PDE1C: variants seen among roughly 807,000 people sequenced by gnomAD.
PDE1C encodes the protein phosphodiesterase 1C.
PDE1C carries 62 observed loss-of-function variants against 93.1 expected under a neutral mutation model. The ratio of observed to expected loss-of-function variants is 0.67; its 90% CI spans 0.54 to 0.82. The LOEUF (loss-of-function observed/expected upper bound fraction) is 0.82. PDE1C is among the 40% of genes least tolerant of loss of function. The pLI is 0.00. For missense variants in PDE1C, 742 were observed against 884.6 expected (o/e 0.84, Z 2.04); for synonymous variants, 325 against 310.1 (o/e 1.05, Z -0.50).
In PDE1C at chr7:32,363,570, C is replaced by G. The variant is rs142514105; in HGVS notation, c.310+64252G>C. On this transcript the variant is annotated intron_variant, in intron 1 of 1. Coordinates refer to the PDE1C transcript ENST00000672256. The stretch of plus-strand genomic sequence containing the variant: ...GAAATAACTTCGATTGCTTTCCACA[C>G]TTACAGGAAGATTTCCAAGCAGTGT... Among the ~76,000 whole-genome samples, 3 of 152,364 alleles carry G rather than the reference C, an allele frequency of 2.0e-5. No homozygotes were observed. In the East Asian group the frequency reaches 5.8e-4, roughly 29 times the overall value.
intron 1 of PDE1C, among the ~76,000 whole-genome samples, chr7:32,269,437 TA>T (rs1374221372): frequency 2.8e-5 from 4 of 144,010 alleles, no homozygotes; most frequent in Non-Finnish European, 6.1e-5. Flanking sequence ...GTGTAGGATA[TA>T]TTTTTTTGAT....
chr7:31,754,224 A>T (rs1348881549), intron 17 of PDE1C, among the ~76,000 whole-genome samples: 3 of 152,186 alleles, frequency 2.0e-5, no homozygotes, highest in African/African-American at 7.2e-5. Flanking sequence ...AATCTAAAAA[A>T]CTTGACAACA....
chr7:31,978,701 T>G (rs181928492), intron 2 of PDE1C, among the ~76,000 whole-genome samples: 2 of 152,166 alleles, frequency 1.3e-5, no homozygotes, highest in Non-Finnish European at 2.9e-5. Context: ...ATTAACCTGA[T>G]GCCAGGGATG....
At chr7:32,135,425 A>AG (rs1427190791) in intron 3 of PDE1C, among the ~76,000 whole-genome samples, 3 of 152,192 alleles carry the variant, frequency 2.0e-5, no homozygotes, top group African/African-American at 7.2e-5. Flanking sequence ...TCAATAGCAA[A>AG]AAAATGAAAC....
At chr7:32,324,617 A>T (rs974078412) in intron 1 of PDE1C, among the ~76,000 whole-genome samples, 3 of 152,216 alleles carry the variant, frequency 2.0e-5, no homozygotes, top group Non-Finnish European at 4.4e-5. Context: ...AAAGAACAAA[A>T]CATGTTTCTT....
At chr7:31,763,269 A>AG (rs1166439932) in intron 17 of PDE1C, among the ~76,000 whole-genome samples, 1 of 152,186 alleles carries the variant, frequency 6.6e-6, no homozygotes, top group East Asian at 1.9e-4. Context: ...TTGTAGAAAC[A>AG]CAATTTAGCA....
At chr7:32,147,984 T>A (rs1226683982) in intron 3 of PDE1C, among the ~76,000 whole-genome samples, 38 of 79,708 alleles carry the variant, frequency 4.8e-4, no homozygotes, top group East Asian at 1.4e-3. Context: ...CCATTTATGC[T>A]AAAAAAAAAA....
At chr7:31,905,549 A>G (rs573023850) in intron 2 of PDE1C, among the ~76,000 whole-genome samples, 239 of 152,328 alleles carry the variant, frequency 1.6e-3, no homozygotes, top group Middle Eastern at 6.8e-3. Flanking sequence ...TATACAATTT[A>G]ATGTGCACAA....
intron 1 of PDE1C, among the ~76,000 whole-genome samples, chr7:32,237,866 G>T (rs182039885): frequency 0.044 from 6,578 of 147,912 alleles, 295 homozygotes; most frequent in South Asian, 0.18. Flanking sequence ...CGCCTCCTGG[G>T]TTCAAGCAAT....
chr7:31,768,379 T>C (rs1256459286), intron 17 of PDE1C, among the ~76,000 whole-genome samples: 1 of 152,212 alleles, frequency 6.6e-6, no homozygotes, highest in Non-Finnish European at 1.5e-5. Context: ...ATAATATCTG[T>C]GTCAGTGTAT....
At chr7:32,208,552 C>T (rs377285915) in intron 2 of PDE1C, among the ~76,000 whole-genome samples, 57 of 151,902 alleles carry the variant, frequency 3.8e-4, no homozygotes, top group South Asian at 1.5e-3. Flanking sequence ...TTTCCAGGTG[C>T]GAAGACAGAG....
intron 6 of PDE1C, among the ~76,000 whole-genome samples, chr7:31,869,830 C>T (rs1041723143): frequency 1.3e-5 from 2 of 152,008 alleles, no homozygotes; most frequent in Non-Finnish European, 2.9e-5. Flanking sequence ...CTCACCAACA[C>T]AAAGAACATT....
chr7:31,737,908 T>C, the PDE1C span, among the ~76,000 whole-genome samples: 1 of 152,054 alleles, frequency 6.6e-6, no homozygotes, highest in East Asian at 1.9e-4. Context: ...TTAAGCCCTG[T>C]TTGCCTCAAA....
At chr7:32,184,076 T>C (rs903957254) in intron 2 of PDE1C, among the ~76,000 whole-genome samples, 1 of 152,102 alleles carries the variant, frequency 6.6e-6, no homozygotes, top group African/African-American at 2.4e-5. Flanking sequence ...ATCAGAGAAA[T>C]GCAAGTCAAA....
rs570310678 is a variant in PDE1C at position 31,754,282 on chromosome 7, G to A, written c.1961-729C>T. On this transcript the variant is annotated intron_variant, in intron 17 of 17. Coordinates refer to ENST00000396191, the MANE Select transcript of PDE1C (RefSeq NM_001191057.4). ...AGTAATGGGAACTCCCATTCTTGCTGATTGGAATGCAAAATGGTACAGCCA... is the reference window on the plus strand; with the variant it reads ...AGTAATGGGAACTCCCATTCTTGCTAATTGGAATGCAAAATGGTACAGCCA... Among the ~76,000 whole-genome samples the A allele has an allele frequency of 3.0e-4, 45 of 152,320 alleles. No homozygotes were observed. The South Asian group carries it at 8.7e-3, about 29-fold the overall frequency.
chr7:31,884,035 C>T (rs1043499079), intron 2 of PDE1C, among the ~76,000 whole-genome samples: 12 of 152,090 alleles, frequency 7.9e-5, no homozygotes, highest in African/African-American at 2.4e-4. Context: ...CTTTTGGATG[C>T]GTGGGAGGCA....
At chr7:32,421,477 C>T (rs1785431494) in intron 1 of PDE1C, among the ~76,000 whole-genome samples, 1 of 152,224 alleles carries the variant, frequency 6.6e-6, no homozygotes, top group Non-Finnish European at 1.5e-5. Flanking sequence ...TGCCAAGTAC[C>T]TTGCATAAAT....
chr7:32,291,771 C>T (rs527576627), intron 1 of PDE1C, among the ~76,000 whole-genome samples: 1 of 152,340 alleles, frequency 6.6e-6, no homozygotes, highest in Non-Finnish European at 1.5e-5. Context: ...CAGCATCTCA[C>T]CTACTCTGAG....
intron 3 of PDE1C, among the ~76,000 whole-genome samples, chr7:32,100,304 T>C (rs1325922952): frequency 2.0e-5 from 3 of 152,238 alleles, no homozygotes; most frequent in Admixed American, 6.5e-5. Context: ...AATTCTGCTA[T>C]GCTTGAGAGA....
Sources: gnomAD v4.1 joint callset for allele counts (sites outside exome capture counted in the v4.1 genomes callset) on GRCh38, gnomAD v4.1.1 for gene constraint, MANE v1.5 for transcripts, NCBI Gene and HGNC (gene_info 2026-07-23, HGNC 2026-07-21) for gene names.